The following CSMD1 variants were observed in gnomAD, a reference collection of about 807,000 sequenced individuals.
CSMD1 encodes the protein CUB and Sushi multiple domains 1, also known as CUB and sushi domain-containing protein 1.
CSMD1 carries 213 observed loss-of-function variants against 417.5 expected under a neutral mutation model. The ratio of observed to expected loss-of-function variants is 0.51; its 90% CI spans 0.46 to 0.57. CSMD1 has a LOEUF of 0.57. Ranked by LOEUF, CSMD1 falls within the 20% of genes least tolerant of loss-of-function variation. The probability of loss-of-function intolerance (pLI) is 0.00; values close to 1 mark genes in which losing one functional copy is unlikely to be tolerated. For missense variants in CSMD1, 6,923 were observed against 4,529.7 expected (o/e 1.53, Z -15.17); for synonymous variants, 2,862 against 1,736.8 (o/e 1.65, Z -16.11).
intron 2 of CSMD1, among the ~76,000 whole-genome samples, chr8:4,618,261 A>G (rs903628275): frequency 6.6e-5 from 10 of 150,996 alleles, no homozygotes; most frequent in African/African-American, 4.9e-5. Context: ...ATGTGCTTCA[A>G]TGGCGCCTCT....
intron 10 of CSMD1, among the ~76,000 whole-genome samples, chr8:3,532,137 G>C (rs1798008189): frequency 6.6e-6 from 1 of 152,136 alleles, no homozygotes; most frequent in African/African-American, 2.4e-5. Context: ...CTCCTCTCTG[G>C]AGTAGAAAGG....
chr8:3,110,868 G>A (rs1307071077), intron 42 of CSMD1, among the ~76,000 whole-genome samples: 1 of 152,170 alleles, frequency 6.6e-6, no homozygotes, highest in Admixed American at 6.5e-5. Flanking sequence ...TTTTGCGGAA[G>A]CATTTCCAGT....
intron 3 of CSMD1, among the ~76,000 whole-genome samples, chr8:4,347,763 G>A (rs968381003): frequency 3.9e-5 from 6 of 152,076 alleles, no homozygotes; most frequent in African/African-American, 1.2e-4. Context: ...TTGCCAAGTT[G>A]TATTGGATAA....
At chr8:4,897,143 T>C (rs1156635107) in intron 1 of CSMD1, among the ~76,000 whole-genome samples, 7 of 152,046 alleles carry the variant, frequency 4.6e-5, no homozygotes, top group Non-Finnish European at 1.0e-4. Context: ...GCAAGGCAGG[T>C]GCACGTTATT....
At chr8:4,487,904 A>G (rs374225840) in intron 2 of CSMD1, among the ~76,000 whole-genome samples, 27 of 152,340 alleles carry the variant, frequency 1.8e-4, no homozygotes, top group East Asian at 9.7e-4. Flanking sequence ...TAGACAAATG[A>G]AAATCAAATG....
chr8:4,037,601 A>T (rs1014652129), intron 3 of CSMD1, among the ~76,000 whole-genome samples: 1 of 100,992 alleles, frequency 9.9e-6, no homozygotes, highest in Non-Finnish European at 2.0e-5. Flanking sequence ...AATGGAAAGG[A>T]GAATGGACTT....
chr8:2,985,988 G>C (rs1484197936), intron 54 of CSMD1, among the ~76,000 whole-genome samples: 10 of 139,714 alleles, frequency 7.2e-5, no homozygotes, highest in African/African-American at 2.4e-4. Context: ...AAGGGGAAGG[G>C]AAAGGGGAAG....
intron 3 of CSMD1, among the ~76,000 whole-genome samples, chr8:4,272,281 A>T (rs186201292): frequency 4.3e-4 from 65 of 152,322 alleles, no homozygotes; most frequent in African/African-American, 1.5e-3. Flanking sequence ...GAAAACTTAT[A>T]AATAGAAAAA....
chr8:3,226,937 A>G (rs1056113250), intron 27 of CSMD1, among the ~76,000 whole-genome samples: 1 of 141,392 alleles, frequency 7.1e-6, no homozygotes, highest in African/African-American at 3.1e-5. Context: ...TAAGCATATG[A>G]AAAAAAAAAG....
intron 1 of CSMD1, among the ~76,000 whole-genome samples, chr8:4,695,441 G>C: frequency 6.6e-6 from 1 of 152,284 alleles, no homozygotes; most frequent in Middle Eastern, 3.4e-3. Context: ...AGTGACATTT[G>C]TTAAGATGTT....
chr8:4,588,193 T>C (rs190284662), intron 2 of CSMD1, among the ~76,000 whole-genome samples: 11 of 152,222 alleles, frequency 7.2e-5, no homozygotes, highest in Non-Finnish European at 1.3e-4. Flanking sequence ...CTTAGGCATA[T>C]ATTTAAATAG....
chr8:3,299,236 G>C (rs929339068), intron 25 of CSMD1, among the ~76,000 whole-genome samples: 3 of 152,164 alleles, frequency 2.0e-5, no homozygotes, highest in African/African-American at 7.2e-5. Flanking sequence ...TGGATCGCCT[G>C]AGGTCAGGAG....
chr8:3,176,589 G>A (rs148334466), intron 37 of CSMD1, among the ~76,000 whole-genome samples: 93 of 152,178 alleles, frequency 6.1e-4, no homozygotes, highest in African/African-American at 4.8e-4. Flanking sequence ...GTAAAACCCC[G>A]TGAACTAGAA....
chr8:3,975,795 C>A (rs1432844921), intron 5 of CSMD1, among the ~76,000 whole-genome samples: 1 of 152,126 alleles, frequency 6.6e-6, no homozygotes, highest in East Asian at 1.9e-4. Context: ...ACTTAAAAAA[C>A]CCATATAGGT....
chr8:4,389,218 T>C (rs1447405006), intron 3 of CSMD1, among the ~76,000 whole-genome samples: 1 of 152,202 alleles, frequency 6.6e-6, no homozygotes, highest in African/African-American at 2.4e-5. Context: ...GGGCTACTTC[T>C]AGCAATACTT....
chr8:3,892,636 T>A (rs981633744), intron 5 of CSMD1, among the ~76,000 whole-genome samples: 1 of 151,946 alleles, frequency 6.6e-6, no homozygotes, highest in Non-Finnish European at 1.5e-5. Context: ...TCAGTACTGT[T>A]GCTTGGCACG....
chr8:4,105,926 G>A lies in CSMD1; in HGVS notation c.416-73827C>T, dbSNP rs79765002. ...CCCTGCAGGCTTCAGCCCAAGGTTC[G>A]GTGCGTCCTGAATACCTGACCTGAA... On this transcript the variant is annotated intron_variant, in intron 3 of 69. Coordinates refer to ENST00000635120, the MANE Select transcript of CSMD1 (RefSeq NM_033225.6). Among the ~76,000 whole-genome samples the A allele has an allele frequency of 5.3e-3, 814 of 152,256 alleles. 6 individuals are homozygous for A. Among genetic ancestry groups the A allele is most frequent in the African/African-American group, 0.019 (779 of 41,550 alleles).
In CSMD1 at chr8:3,424,273, C is replaced by A. The variant is rs79727672; in HGVS notation, c.1562-14668G>T. On this transcript the variant is annotated intron_variant, in intron 12 of 69. Transcript: ENST00000635120. ...AATTAGAGTTTATCATATTTCTTTG[C>A]AAAAGCCAGGTATTGCCTAGTTTAG... Among the ~76,000 whole-genome samples the A allele has an allele frequency of 6.1e-3, 922 of 152,210 alleles. 5 individuals carry two copies. Among genetic ancestry groups the A allele is most frequent in the Middle Eastern group, 0.041 (12 of 294 alleles).
At chr8:3,448,332 G>A (rs1171057957) in intron 12 of CSMD1, among the ~76,000 whole-genome samples, 3 of 81,316 alleles carry the variant, frequency 3.7e-5, no homozygotes, top group Non-Finnish European at 5.2e-5. Context: ...AGGGAGCAAG[G>A]GAGGGAGGGA....
Sources: allele counts gnomAD v4.1 joint callset (sites outside exome capture counted in the v4.1 genomes callset), GRCh38; gene constraint gnomAD v4.1.1; transcripts MANE v1.5; gene names NCBI Gene and HGNC (gene_info 2026-07-23, HGNC 2026-07-21).